Variants in BMP2K observed in about 807,000 individuals in gnomAD.
BMP2K encodes BMP2 inducible kinase, also known as BMP-2-inducible protein kinase.
BMP2K carries 74 observed loss-of-function variants against 116.0 expected under a neutral mutation model. The ratio of observed to expected loss-of-function variants is 0.64; its 90% CI spans 0.53 to 0.77. The LOEUF (loss-of-function observed/expected upper bound fraction) is 0.77, where lower values mean the gene tolerates loss of function less well. BMP2K is among the 30% of genes least tolerant of loss of function. BMP2K has a pLI of 0.00. For synonymous variants in BMP2K, 486 were observed against 502.5 expected (o/e 0.97, Z 0.44); for missense variants, 1,365 against 1,403.6 (o/e 0.97, Z 0.44).
chr4:78,858,644 TG>T (rs1731616839), intron 7 of BMP2K, among the ~76,000 whole-genome samples: 1 of 151,966 alleles, frequency 6.6e-6, no homozygotes, highest in Non-Finnish European at 1.5e-5. Flanking sequence ...TAATTCATTT[TG>T]ATTTATAATT....
At chr4:78,898,541 A>T (rs183562648) in intron 15 of BMP2K, among the ~76,000 whole-genome samples, 2 of 151,086 alleles carry the variant, frequency 1.3e-5, no homozygotes, top group East Asian at 4.0e-4. Flanking sequence ...GAATATGATT[A>T]ATACAGTCTA....
chr4:78,891,369 C>T (rs890642885), intron 15 of BMP2K, among the ~76,000 whole-genome samples: 1 of 152,120 alleles, frequency 6.6e-6, no homozygotes, highest in African/African-American at 2.4e-5. Context: ...AGATGTTGTA[C>T]CTTTTATTCA....
chr4:78,870,775 G>C lies in BMP2K; in HGVS notation c.1232-8G>C. On this transcript the variant is annotated splice_region_variant and splice_polypyrimidine_tract_variant and intron_variant, in intron 10 of 15. Transcript: ENST00000502613. ...TATGTTAATGTAAGTGTTTGGACCT[G>C]TCTTTAGGGGCACTAAGACCTGGAA... 6.2e-7 allele frequency: 1 copy of C among 1,612,024 alleles called. No homozygotes were observed. The highest frequency in any genetic ancestry group is 8.5e-7 in the Non-Finnish European group (1 of 1,178,532).
chr4:78,823,243 T>G (rs1219351723), intron 1 of BMP2K, among the ~76,000 whole-genome samples: 1 of 152,006 alleles, frequency 6.6e-6, no homozygotes, highest in Non-Finnish European at 1.5e-5. Flanking sequence ...TACTTGTTTT[T>G]CTCATTTCTG....
chr4:78,850,724 G>T (rs764502147), intron 6 of BMP2K, among the ~76,000 whole-genome samples, 200 bp from the exon 7 acceptor site: 1 of 151,866 alleles, frequency 6.6e-6, no homozygotes, highest in Non-Finnish European at 1.5e-5. Context: ...ACTAGCCACA[G>T]ATGTGATAGA....
chr4:78,850,667 A>G (rs1409470670), intron 6 of BMP2K, among the ~76,000 whole-genome samples: 2 of 151,902 alleles, frequency 1.3e-5, no homozygotes, highest in Non-Finnish European at 2.9e-5. Flanking sequence ...TTTTTTTCCA[A>G]AAAGAACCAG....
At chr4:78,795,869 A>G (rs1379897423) in intron 1 of BMP2K, among the ~76,000 whole-genome samples, 1 of 152,044 alleles carries the variant, frequency 6.6e-6, no homozygotes, top group Non-Finnish European at 1.5e-5. Context: ...TAGAATGGCA[A>G]TCATTAAAAA....
chr4:78,868,997 G>A (rs925417470), intron 10 of BMP2K, among the ~76,000 whole-genome samples: 1 of 152,170 alleles, frequency 6.6e-6, no homozygotes. Flanking sequence ...TCTTCTCACA[G>A]CTCCACTAGG....
Position 78,829,787 on chromosome 4 carries a change from T to TTTTCTC in BMP2K, c.297+3634_297+3635insTCTCTT, listed in dbSNP as rs1730091260. Among the ~76,000 whole-genome samples, 314 of 86,626 alleles carry TTTTCTC rather than the reference T, an allele frequency of 3.6e-3. 4 individuals are homozygous for TTTTCTC. Among genetic ancestry groups the TTTTCTC allele is most frequent in the African/African-American group, 0.011 (261 of 23,816 alleles). The allele number at this position is 86,626 out of a possible 152,430, so 56.8% of individuals were successfully genotyped here. On this transcript the variant is annotated intron_variant, in intron 2 of 15. Coordinates refer to ENST00000502613, the MANE Select transcript of BMP2K (RefSeq NM_198892.2). ...TTTCTTTTCTTTTCTTTTCTTTTCT[T>TTTTCTC]TTCTCTTCTCTTCTCTTCTCTTCTC...
intron 15 of BMP2K, among the ~76,000 whole-genome samples, chr4:78,898,173 A>G (rs937231972): frequency 6.6e-6 from 1 of 152,198 alleles, no homozygotes; most frequent in African/African-American, 2.4e-5. Context: ...TGAGGATGGC[A>G]GTATTAGGTT....
chr4:78,793,334 C>T (rs1320267008), intron 1 of BMP2K, among the ~76,000 whole-genome samples: 7 of 148,760 alleles, frequency 4.7e-5, no homozygotes, highest in East Asian at 2.0e-4. Flanking sequence ...GGCGTGAACC[C>T]GGGAGGTGGA....
At chr4:78,778,470 G>A (rs1166570478) in intron 1 of BMP2K, among the ~76,000 whole-genome samples, 4 of 152,196 alleles carry the variant, frequency 2.6e-5, no homozygotes, top group Admixed American at 2.6e-4. Flanking sequence ...CTCTTGAAAA[G>A]TCAATAATCA....
At chr4:78,851,426 C>A (rs909322588) in intron 7 of BMP2K, among the ~76,000 whole-genome samples, 1 of 151,948 alleles carries the variant, frequency 6.6e-6, no homozygotes, top group Non-Finnish European at 1.5e-5. Flanking sequence ...TTTTATATAT[C>A]TACAAGGCAA....
At chr4:78,827,477 G>A (rs1330783112) in intron 2 of BMP2K, among the ~76,000 whole-genome samples, 1 of 152,092 alleles carries the variant, frequency 6.6e-6, no homozygotes, top group Non-Finnish European at 1.5e-5. Context: ...GGCATTACGT[G>A]CCTGTGAGGG....
rs1734935919 is a variant in BMP2K at position 78,915,159 on chromosome 4, A to G, written c.*3126A>G. ...CCCAATCCCTGTGTACGTGTTGGGT[A>G]TAGTTACGACATTATCCGGATTTGC... is the stretch of plus-strand genomic sequence containing the variant. On this transcript the variant is annotated 3_prime_UTR_variant, in exon 16 of 16. Coordinates refer to ENST00000502613, the MANE Select transcript of BMP2K (RefSeq NM_198892.2). 6.6e-6 allele frequency: 1 copy of G among 152,018 alleles called. No homozygotes were observed. The highest frequency in any genetic ancestry group is 1.5e-5 in the Non-Finnish European group (1 of 67,914). 9.4% of individuals were successfully genotyped at this position (152,018 alleles called of 1,614,324 possible). A position where few individuals can be genotyped will look rare whatever the true frequency, so the allele number is the denominator to read the frequency against.
At chr4:78,889,736 G>A (rs956043275) in intron 15 of BMP2K, among the ~76,000 whole-genome samples, 3 of 152,202 alleles carry the variant, frequency 2.0e-5, no homozygotes, top group Non-Finnish European at 2.9e-5. Context: ...ACTCCCAGGT[G>A]TATGTGTGTA....
At chr4:78,796,317 A>T (rs1437538618) in intron 1 of BMP2K, among the ~76,000 whole-genome samples, 1 of 145,830 alleles carries the variant, frequency 6.9e-6, no homozygotes, top group Non-Finnish European at 1.5e-5. Context: ...ATTCTCACTC[A>T]TAGGTGGGAA....
At chr4:78,832,804 A>G (rs1233270220) in intron 2 of BMP2K, among the ~76,000 whole-genome samples, 1 of 152,092 alleles carries the variant, frequency 6.6e-6, no homozygotes, top group Non-Finnish European at 1.5e-5. Flanking sequence ...TCCCCATTAT[A>G]TATATTTACT....
chr4:78,831,209 A>G (rs989388397), intron 2 of BMP2K, among the ~76,000 whole-genome samples: 8 of 152,250 alleles, frequency 5.3e-5, no homozygotes, highest in Non-Finnish European at 8.8e-5. Context: ...ACTGTGTTAT[A>G]TGGACACAGT....
Sources: allele counts gnomAD v4.1 joint callset (sites outside exome capture counted in the v4.1 genomes callset), GRCh38; gene constraint gnomAD v4.1.1; transcripts MANE v1.5; gene names NCBI Gene and HGNC (gene_info 2026-07-23, HGNC 2026-07-21).